Variants in DNAH14 observed in about 807,000 individuals in gnomAD.
DNAH14 encodes the protein axonemal beta dynein heavy chain 14.
Under a neutral mutation model 520.9 loss-of-function variants are expected in DNAH14, and 478 were observed. The ratio of observed to expected loss-of-function variants is 0.92; its 90% CI spans 0.85 to 0.99. DNAH14 has a LOEUF of 0.99. Among genes scored for constraint, DNAH14 ranks in the 50% least tolerant of loss-of-function variants. The pLI, the probability that DNAH14 is intolerant of heterozygous loss-of-function variation, is 0.00. For synonymous variants in DNAH14, 1,581 were observed against 1,757.2 expected (o/e 0.90, Z 2.51); for missense variants, 4,831 against 5,234.5 (o/e 0.92, Z 2.38).
At chr1:225,351,572 T>C in intron 71 of DNAH14, 75 bp from the exon 72 acceptor site, 6 of 994,444 alleles carry the variant, frequency 6.0e-6, no homozygotes, top group Non-Finnish European at 8.6e-6. Flanking sequence ...CTTTGTCAAG[T>C]ATCTACTTTG....
At chr1:225,224,034 C>T (rs1189527559) in intron 41 of DNAH14, among the ~76,000 whole-genome samples, 2 of 152,116 alleles carry the variant, frequency 1.3e-5, no homozygotes, top group African/African-American at 4.8e-5. Context: ...ATCTTGGATA[C>T]ATACTAACTT....
intron 36 of DNAH14, among the ~76,000 whole-genome samples, chr1:225,181,330 T>C (rs2083970138): frequency 6.6e-6 from 1 of 152,204 alleles, no homozygotes; most frequent in Non-Finnish European, 1.5e-5. Flanking sequence ...TAATTTTTCT[T>C]TGGGTACATA....
At chr1:225,058,088 T>C (rs1572757330) in intron 17 of DNAH14, among the ~76,000 whole-genome samples, 1 of 152,210 alleles carries the variant, frequency 6.6e-6, no homozygotes, top group African/African-American at 2.4e-5. Flanking sequence ...TTGATTGGAA[T>C]ACTTTCAGAA....
At position 225,276,999 on chromosome 1, in the gene DNAH14, AAGGGAGGGAGGG is replaced by A. The variant is rs1230311457; in HGVS notation, c.8179-391_8179-380del. On this transcript the variant is annotated intron_variant, in intron 53 of 85. Transcript: ENST00000682510. ...GAAGGAAGGAAGGGAGGGAGGAAGG[AAGGGAGGGAGGG>A]AGGGAGGGAGGGAGGGAGGAAGGGG... Among the ~76,000 whole-genome samples, 38 of 41,732 alleles carry A rather than the reference AAGGGAGGGAGGG, an allele frequency of 9.1e-4. No individual in the cohort carries two copies. The South Asian group carries it at 0.029, about 32-fold the overall frequency. The allele number at this position is 41,732 out of a possible 152,430, so 27.4% of individuals were successfully genotyped here.
chr1:225,068,050 A>G (rs2071104771), intron 17 of DNAH14, among the ~76,000 whole-genome samples: 1 of 152,152 alleles, frequency 6.6e-6, no homozygotes, highest in Non-Finnish European at 1.5e-5. Flanking sequence ...GGTATTGCCT[A>G]GGTCATCTTC....
In DNAH14 at chr1:225,224,782, G is replaced by T. The variant is rs114195231; in HGVS notation, c.6440-6291G>T. On this transcript the variant is annotated intron_variant, in intron 41 of 85. Transcript: ENST00000682510. ...CATTCTGGATTTACTGGCACTCAGAGAGCCGAGGTTGGAGCCTTAATATTG... is the reference window on the plus strand; with the variant it reads ...CATTCTGGATTTACTGGCACTCAGATAGCCGAGGTTGGAGCCTTAATATTG... Among the ~76,000 whole-genome samples, 1,389 of 152,290 alleles carry T rather than the reference G, an allele frequency of 9.1e-3. 10 individuals are homozygous for T. Among genetic ancestry groups the T allele is most frequent in the Non-Finnish European group, 0.014 (932 of 68,036 alleles).
At chr1:225,290,651 ATAT>A (rs2093858733) in intron 55 of DNAH14, among the ~76,000 whole-genome samples, 2 of 22,476 alleles carry the variant, frequency 8.9e-5, no homozygotes, top group Non-Finnish European at 1.9e-4. Flanking sequence ...GTGTGTGTAT[ATAT>A]ATATATATAT....
intron 74 of DNAH14, among the ~76,000 whole-genome samples, chr1:225,360,397 C>T (rs192166860): frequency 7.9e-5 from 12 of 152,232 alleles, no homozygotes; most frequent in South Asian, 2.1e-4. Flanking sequence ...ACAGCCATCT[C>T]GAACAACACT....
intron 17 of DNAH14, among the ~76,000 whole-genome samples, chr1:225,074,319 C>A (rs538174670): frequency 6.6e-6 from 1 of 152,304 alleles, no homozygotes; most frequent in East Asian, 1.9e-4. Flanking sequence ...AGTTTTTAAA[C>A]CTCTGTCCGC....
chr1:225,254,754 A>G (rs1463123872), intron 44 of DNAH14, among the ~76,000 whole-genome samples: 1 of 152,178 alleles, frequency 6.6e-6, no homozygotes, highest in Non-Finnish European at 1.5e-5. Context: ...TCCCCCAAAT[A>G]TCAAAAGGAA....
At chr1:225,078,437 T>C (rs1163252795) in intron 17 of DNAH14, among the ~76,000 whole-genome samples, 1 of 152,244 alleles carries the variant, frequency 6.6e-6, no homozygotes, top group East Asian at 1.9e-4. Context: ...TCTTGAAAAT[T>C]GTTATTCATA....
At chr1:225,172,005 A>G (rs1573698739) in intron 36 of DNAH14, among the ~76,000 whole-genome samples, 1 of 152,198 alleles carries the variant, frequency 6.6e-6, no homozygotes, top group Admixed American at 6.5e-5. Context: ...AACAGAACCA[A>G]CGACAAAAAC....
chr1:225,105,931 G>T, intron 23 of DNAH14, among the ~76,000 whole-genome samples: 1 of 145,284 alleles, frequency 6.9e-6, no homozygotes, highest in Admixed American at 6.7e-5. Flanking sequence ...CTGTTATTAT[G>T]ATGTTAGCTG....
chr1:224,967,611 T>C, intron 6 of DNAH14, 28 bp downstream of exon 6: 1 of 1,595,054 alleles, frequency 6.3e-7, no homozygotes, highest in East Asian at 2.3e-5. Flanking sequence ...TTTTAAGCTT[T>C]CAGAATTATA....
At chr1:225,263,854 A>G (rs950092701) in intron 46 of DNAH14, among the ~76,000 whole-genome samples, 11 of 152,136 alleles carry the variant, frequency 7.2e-5, no homozygotes, top group African/African-American at 2.7e-4. Context: ...AAACAAGACC[A>G]AAATAAGATG....
chr1:225,324,887 T>A, intron 64 of DNAH14, 55 bp downstream of exon 64: 1 of 1,357,088 alleles, frequency 7.4e-7, no homozygotes, highest in Non-Finnish European at 1.0e-6. Context: ...ACAATGTAAT[T>A]ATCTCAGGAG....
intron 36 of DNAH14, among the ~76,000 whole-genome samples, chr1:225,173,645 C>G (rs2082965196): frequency 6.6e-6 from 1 of 152,168 alleles, no homozygotes. Flanking sequence ...AATAGAAACA[C>G]TTTTACACTG....
chr1:225,333,262 G>A, intron 65 of DNAH14, 29 bp from the exon 66 acceptor site: 1 of 1,493,636 alleles, frequency 6.7e-7, no homozygotes, highest in Non-Finnish European at 9.1e-7. Flanking sequence ...ATTTTATATA[G>A]AATAACTCAT....
At chr1:224,960,373 C>T in intron 4 of DNAH14, 71 bp downstream of exon 4, 3 of 1,386,974 alleles carry the variant, frequency 2.2e-6, no homozygotes, top group Non-Finnish European at 2.8e-6. Flanking sequence ...GGTTTGTGTG[C>T]TTATATTGGA....
Sources: allele counts gnomAD v4.1 joint callset (sites outside exome capture counted in the v4.1 genomes callset), GRCh38; gene constraint gnomAD v4.1.1; transcripts MANE v1.5; gene names NCBI Gene and HGNC (gene_info 2026-07-23, HGNC 2026-07-21).